Variants in SPAG1 observed in about 807,000 individuals in gnomAD.
SPAG1 encodes sperm-associated antigen 1.
In SPAG1, 69 loss-of-function variants were observed where a neutral mutation model predicts 100.5. The ratio of observed to expected loss-of-function variants is 0.69; its 90% CI spans 0.57 to 0.84. The LOEUF (loss-of-function observed/expected upper bound fraction) is 0.84, where lower values mean the gene tolerates loss of function less well. Among genes scored for constraint, SPAG1 ranks in the 40% least tolerant of loss-of-function variants. The probability of loss-of-function intolerance (pLI) is 0.00; values close to 1 mark genes in which losing one functional copy is unlikely to be tolerated. For missense variants in SPAG1, 955 were observed against 1,133.1 expected (o/e 0.84, Z 2.26); for synonymous variants, 336 against 411.6 (o/e 0.82, Z 2.22).
At position 100,213,855 on chromosome 8, in the gene SPAG1, C is replaced by T; in HGVS notation, c.1472C>T (p.Ser491Leu). The change falls in exon 12 of 19, where the codon TCA (serine) becomes TTA (leucine). Residue 491 changes from serine to leucine, a missense_variant. Physicochemically the swap from Ser to Leu is moderately radical, Grantham distance 145 (BLOSUM62 -2). Transcript: ENST00000388798. Reference protein sequence around the residue: ...EIADDLSILYSNRAACYLKEG... With the variant: ...EIADDLSILYLNRAACYLKEG... ...GCAGATGATCTAAGTATCTTATATT[C>T]AAATAGAGCAGCATGTTACCTAAAA... 6.2e-7 allele frequency: 1 copy of T among 1,603,366 alleles called. No individual in the cohort carries two copies. Among genetic ancestry groups the T allele is most frequent in the Admixed American group, 1.7e-5 (1 of 59,672 alleles).
intron 7 of SPAG1, among the ~76,000 whole-genome samples, chr8:100,185,842 A>ATTCATTCAGTACAGCCTCCCCTGTTCAGG (rs1554652003): frequency 6.6e-6 from 1 of 152,198 alleles, no homozygotes; most frequent in Non-Finnish European, 1.5e-5. Flanking sequence ...ATGATGGATC[A>ATTCATTCAGTACAGCCTCCCCTGTTCAGG]TTCATTCAGT....
intron 3 of SPAG1, among the ~76,000 whole-genome samples, chr8:100,177,142 A>G (rs1719699368): frequency 6.6e-6 from 1 of 152,048 alleles, no homozygotes; most frequent in African/African-American, 2.4e-5. Flanking sequence ...GTGACACTTT[A>G]TATGGGTCCC....
intron 10 of SPAG1, among the ~76,000 whole-genome samples, chr8:100,199,136 T>C (rs2453665): frequency 6.6e-6 from 1 of 152,036 alleles, no homozygotes; most frequent in Non-Finnish European, 1.5e-5. Flanking sequence ...TGCATTATTT[T>C]GGAGTGGAAT....
At chr8:100,164,472 T>G (rs1348683844) in intron 2 of SPAG1, among the ~76,000 whole-genome samples, 2 of 152,220 alleles carry the variant, frequency 1.3e-5, no homozygotes, top group Non-Finnish European at 2.9e-5. Context: ...TCACCCAGGC[T>G]GGAGTGCAGT....
At chr8:100,197,143 AAGTTTC>A (rs947271450) in intron 10 of SPAG1, among the ~76,000 whole-genome samples, 2 of 152,100 alleles carry the variant, frequency 1.3e-5, no homozygotes, top group African/African-American at 4.8e-5. Context: ...TGGATGCTAT[AAGTTTC>A]TTTCTGATAG....
At chr8:100,187,300 A>G in intron 8 of SPAG1, 50 bp downstream of exon 8, 6 of 1,467,758 alleles carry the variant, frequency 4.1e-6, no homozygotes, top group Non-Finnish European at 5.5e-6. Context: ...ATCCATTAAT[A>G]AAGACCATTT....
Position 100,171,668 on chromosome 8 carries a change from C to T in SPAG1, c.300+5695C>T, listed in dbSNP as rs77920553. Among the ~76,000 whole-genome samples the T allele has an allele frequency of 5.8e-3, 883 of 152,290 alleles. 11 individuals carry two copies. Among genetic ancestry groups the T allele is most frequent in the African/African-American group, 0.02 (831 of 41,564 alleles). On this transcript the variant is annotated intron_variant, in intron 3 of 18. Transcript: ENST00000388798. ...ATTCAGCAAGACCACAGGGTTCTGTCTGGGTACTTTTCCTGTGCTGCAGCC... is the reference window on the plus strand; with the variant it reads ...ATTCAGCAAGACCACAGGGTTCTGTTTGGGTACTTTTCCTGTGCTGCAGCC...
At chr8:100,191,022 A>G (rs1434465467) in intron 8 of SPAG1, among the ~76,000 whole-genome samples, 1 of 152,138 alleles carries the variant, frequency 6.6e-6, no homozygotes, top group East Asian at 1.9e-4. Flanking sequence ...TGGCTAAATA[A>G]TACTCGCCAT....
chr8:100,168,906 C>T (rs186911135), intron 3 of SPAG1, among the ~76,000 whole-genome samples: 4 of 151,734 alleles, frequency 2.6e-5, no homozygotes, highest in African/African-American at 4.8e-5. Context: ...AGGCTGGTCT[C>T]GAACTCCCAA....
intron 10 of SPAG1, among the ~76,000 whole-genome samples, chr8:100,208,044 T>C (rs1817579332): frequency 6.6e-6 from 1 of 152,180 alleles, no homozygotes; most frequent in African/African-American, 2.4e-5. Flanking sequence ...GTGGAAGTGG[T>C]ACCACTCACC....
At chr8:100,206,967 C>T (rs1179288193) in intron 10 of SPAG1, among the ~76,000 whole-genome samples, 1 of 152,160 alleles carries the variant, frequency 6.6e-6, no homozygotes, top group African/African-American at 2.4e-5. Flanking sequence ...GATAGGGATG[C>T]CGTTTGGAGC....
At chr8:100,158,997 A>T (rs1488289745) in intron 1 of SPAG1, 1 of 151,768 alleles carries the variant, frequency 6.6e-6, no homozygotes, top group Non-Finnish European at 1.5e-5. Context: ...AGATTCTCAG[A>T]GAAATGTTAA....
intron 1 of SPAG1, among the ~76,000 whole-genome samples, chr8:100,160,605 T>G (rs1586375359): frequency 7.7e-6 from 1 of 130,452 alleles, no homozygotes. Context: ...CCAGCCTGGG[T>G]GACAGAGCAA....
At chr8:100,169,214 T>C (rs1815710076) in intron 3 of SPAG1, among the ~76,000 whole-genome samples, 1 of 152,182 alleles carries the variant, frequency 6.6e-6, no homozygotes, top group South Asian at 2.1e-4. Flanking sequence ...TCAAGCACCA[T>C]TTAATAAAAT....
At chr8:100,222,505 T>C (rs1053969126) in intron 13 of SPAG1, among the ~76,000 whole-genome samples, 1 of 152,180 alleles carries the variant, frequency 6.6e-6, no homozygotes, top group African/African-American at 2.4e-5. Context: ...GGGCATTGTT[T>C]GTTGCTTTTA....
Position 100,233,499 on chromosome 8 carries a change from GCC to G in SPAG1, c.2078_2079del (p.Ala693ValfsTer3). On this transcript the variant is annotated frameshift_variant, in exon 16 of 19. Coordinates refer to ENST00000388798, the MANE Select transcript of SPAG1 (RefSeq NM_003114.5). LOFTEE classifies it high-confidence loss of function. The stretch of plus-strand genomic sequence containing the variant: ...TCAGCTAGCTGATGGGAACGTGAAA[GCC>G]TTCTATAGACGAGCTCTGGCTCATA... Reference protein sequence around the residue: ...ALQLADGNVKAFYRRALAHKG... With the variant: ...ALQLADGNVKXFYRRALAHKG... 6.2e-7 allele frequency: 1 copy of G among 1,613,626 alleles called. No homozygotes were observed.
At position 100,231,249 on chromosome 8, in the gene SPAG1, TA is replaced by T; in HGVS notation, c.1952del (p.Lys651ArgfsTer18). ...GCCCTCAGTAAATACAGCGAATGCTTAAAGATTAACAATAAGGAATGTGCCA... is the reference window on the plus strand; with the variant it reads ...GCCCTCAGTAAATACAGCGAATGCTTAAGATTAACAATAAGGAATGTGCCA... The part of the protein sequence containing the change: ...KDALSKYSEC[L>X]KINNKECAIY... On this transcript the variant is annotated frameshift_variant, in exon 15 of 19. Transcript: ENST00000388798. LOFTEE classifies it high-confidence loss of function. 6.2e-7 allele frequency: 1 copy of T among 1,603,826 alleles called. No individual in the cohort carries two copies. The highest frequency in any genetic ancestry group is 8.5e-7 in the Non-Finnish European group (1 of 1,173,114).
At chr8:100,162,205 C>A in intron 1 of SPAG1, 74 bp from the exon 2 acceptor site, 1 of 1,213,180 alleles carries the variant, frequency 8.2e-7, no homozygotes, top group Non-Finnish European at 1.1e-6. Context: ...AAAGAAGTAC[C>A]TACATGGTTA....
chr8:100,166,087 A>G (rs1586387586), intron 3 of SPAG1, 114 bp downstream of exon 3: 2 of 890,210 alleles, frequency 2.2e-6, no homozygotes. Flanking sequence ...TTTAGTGTCA[A>G]TTAGGCAGGA....
Sources: allele counts gnomAD v4.1 joint callset (sites outside exome capture counted in the v4.1 genomes callset), GRCh38; gene constraint gnomAD v4.1.1; transcripts MANE v1.5; gene names NCBI Gene and HGNC (gene_info 2026-07-23, HGNC 2026-07-21).